Variants in WAS observed in about 807,000 individuals in gnomAD.
The protein encoded by WAS is actin nucleation-promoting factor WAS.
WAS carries 1 observed loss-of-function variant against 38.9 expected under a neutral mutation model. The observed-to-expected ratio is 0.03, with a 90% CI of 0.01 to 0.12. The LOEUF (loss-of-function observed/expected upper bound fraction) is 0.12, where lower values mean the gene tolerates loss of function less well. Ranked by LOEUF, WAS falls within the 10% of genes least tolerant of loss-of-function variation. WAS has a pLI of 1.00. For missense variants in WAS, 311 were observed against 431.2 expected (o/e 0.72, Z 2.47); for synonymous variants, 182 against 173.6 (o/e 1.05, Z -0.38).
Position 48,691,227 on chromosome X carries a change from T to TCCCCTCCAC in WAS, c.*65_*66insCCCCTCCAC. The stretch of plus-strand genomic sequence containing the variant: ...GACATGGCTCCCCCTCCACCTGCTC[T>TCCCCTCCAC]GTGCCCACCCTCCACTCTCCTCTTC... On this transcript the variant is annotated 3_prime_UTR_variant, in exon 12 of 12. Coordinates refer to ENST00000376701, the MANE Select transcript of WAS (RefSeq NM_000377.3). The TCCCCTCCAC allele has an allele frequency of 9.2e-7, 1 of 1,084,951 alleles. No homozygotes were observed. The highest frequency in any genetic ancestry group is 1.3e-6 in the Non-Finnish European group (1 of 783,018). The allele number at this position is 1,084,951 out of a possible 1,213,427, so 89.4% of individuals were successfully genotyped here. A position where few individuals can be genotyped will look rare whatever the true frequency, so the allele number is the denominator to read the frequency against.
chrX:48,690,974 C>T (rs1032904885), intron 11 of WAS, 133 bp from the exon 12 acceptor site: 21 of 560,774 alleles, frequency 3.7e-5, no homozygotes, highest in Non-Finnish European at 5.6e-5. Flanking sequence ...CCTTTCTTGT[C>T]CCAAATGGAA....
At chrX:48,689,690 T>C (rs1473867858) in intron 11 of WAS, 1 of 362,770 alleles carries the variant, frequency 2.8e-6, no homozygotes. Context: ...CATTCCCACA[T>C]GTTCAGTACT....
upstream of WAS, among the ~76,000 whole-genome samples, chrX:48,679,039 T>G (rs1459045240): frequency 1.8e-5 from 2 of 110,040 alleles, no homozygotes; most frequent in Non-Finnish European, 3.8e-5. Flanking sequence ...TTTCTTTTTT[T>G]TTTTTCAAGA....
At chrX:48,688,129 A>G (rs782686805) in intron 8 of WAS, 33 bp downstream of exon 8, 4 of 1,189,495 alleles carry the variant, frequency 3.4e-6, no homozygotes, top group Non-Finnish European at 2.3e-6. Context: ...GGACTCCACT[A>G]AACTTCCACC....
chrX:48,687,579 G>A (rs782392284), intron 7 of WAS, among the ~76,000 whole-genome samples: 1 of 110,957 alleles, frequency 9.0e-6, no homozygotes, highest in African/African-American at 3.3e-5. Context: ...GGACAGATAC[G>A]TGGATGAATG....
chrX:48,688,561 G>A, intron 9 of WAS, 99 bp from the exon 10 acceptor site: 16 of 1,193,349 alleles, frequency 1.3e-5, no homozygotes, highest in South Asian at 7.2e-5. Flanking sequence ...GCTTCAGTCA[G>A]GAGTTGGTCA....
chrX:48,676,666 G>A (rs2062391579), exon 1 of WAS: 2 of 113,275 alleles, frequency 1.8e-5, no homozygotes, highest in Admixed American at 9.2e-5. Flanking sequence ...CCCGGGGCGA[G>A]GGGAGCCGGT....
At chrX:48,686,207 G>GAA in intron 6 of WAS, 73 bp downstream of exon 6, 2 of 1,124,262 alleles carry the variant, frequency 1.8e-6, no homozygotes, top group Non-Finnish European at 2.4e-6. Context: ...AGTTGGATGG[G>GAA]TGCGTAAGTG....
In WAS at chrX:48,691,365, GT is replaced by G; in HGVS notation, c.*205del. The G allele has an allele frequency of 4.7e-6, 2 of 421,131 alleles. No individual in the cohort carries two copies. The allele number at this position is 421,131 out of a possible 1,213,427, so 34.7% of individuals were successfully genotyped here. A position where few individuals can be genotyped will look rare whatever the true frequency, so the allele number is the denominator to read the frequency against. ...GGCCCTTTTTATACAAAAATTCTCA[GT>G]TCTCTTCACTCAAGGATTTTTAAAG... On this transcript the variant is annotated 3_prime_UTR_variant, in exon 12 of 12. Transcript: ENST00000376701.
chrX:48,690,873 A>G (rs2062437618), intron 11 of WAS, among the ~76,000 whole-genome samples: 1 of 111,964 alleles, frequency 8.9e-6, no homozygotes, highest in Admixed American at 9.5e-5. Flanking sequence ...ATAGGTTAAC[A>G]TTAACCCTTT....
upstream of WAS, chrX:48,683,732 A>T (rs1393122900): frequency 9.5e-7 from 1 of 1,048,953 alleles, no homozygotes; most frequent in Non-Finnish European, 1.3e-6. Context: ...CCCCTGGAGG[A>T]CTTGTTTCCC....
Position 48,689,317 on chromosome X carries a change from C to T in WAS, c.1339-3C>T, listed in dbSNP as rs373491815. 74 of 1,194,684 alleles carry T rather than the reference C, an allele frequency of 6.2e-5. No individual in the cohort carries two copies. The highest frequency in any genetic ancestry group is 7.4e-5 in the Non-Finnish European group (66 of 886,629). ...CCTCTGTGCTGATCCCTGCCTGCTGCAGACCCCTGGGGCCCCAGAGAGCTC... is the reference window on the plus strand; with the variant it reads ...CCTCTGTGCTGATCCCTGCCTGCTGTAGACCCCTGGGGCCCCAGAGAGCTC... On this transcript the variant is annotated splice_polypyrimidine_tract_variant and splice_region_variant and intron_variant, in intron 10 of 11. Transcript: ENST00000376701.
upstream of WAS, among the ~76,000 whole-genome samples, chrX:48,682,445 C>T (rs781932766): frequency 3.6e-5 from 4 of 112,220 alleles, no homozygotes; most frequent in African/African-American, 9.7e-5. Flanking sequence ...CTGGCACACA[C>T]GTTAAGTGCT....
At chrX:48,677,853 C>T (rs2902901) in intron 1 of WAS, among the ~76,000 whole-genome samples, 1 of 112,171 alleles carries the variant, frequency 8.9e-6, no homozygotes, top group East Asian at 2.8e-4. Flanking sequence ...AGAGGGAAGC[C>T]TTGTTGGAAG....
chrX:48,679,976 C>T (rs1185623335), upstream of WAS, among the ~76,000 whole-genome samples: 6 of 111,777 alleles, frequency 5.4e-5, no homozygotes, highest in African/African-American at 2.0e-4. Context: ...TAACATCTTC[C>T]TGGTGAACCA....
intron 11 of WAS, 76 bp from the exon 12 acceptor site, chrX:48,691,031 C>G: frequency 8.3e-6 from 8 of 967,217 alleles, no homozygotes; most frequent in Non-Finnish European, 1.2e-5. Context: ...ACCCCAGGGT[C>G]CAGTCCTCAC....
upstream of WAS, among the ~76,000 whole-genome samples, chrX:48,679,374 C>G (rs1228444631): frequency 3.6e-5 from 4 of 112,024 alleles, no homozygotes; most frequent in Non-Finnish European, 7.5e-5. Context: ...GAAAAATATA[C>G]ATTTTACACT....
rs1438028027 is a variant in WAS, at chrX:48,686,806, G to T, written c.585G>T (p.Leu195=). ...QGGPPVGPLS[L]GLATVDIQNP... Reference sequence around the variant, plus strand: ...GCCCTCCAGTGGGTCCGCTCTCCCTGGGGCTGGCGACAGTGGACATCCAGA... The same window carrying T: ...GCCCTCCAGTGGGTCCGCTCTCCCTTGGGCTGGCGACAGTGGACATCCAGA... Residue 195 remains leucine (L), a synonymous_variant, in exon 7 of 12, where the codon CTG becomes CTT. Coordinates refer to ENST00000376701, the MANE Select transcript of WAS (RefSeq NM_000377.3). 4 of 1,210,012 alleles carry T rather than the reference G, an allele frequency of 3.3e-6. No individual in the cohort carries two copies. In the Admixed American group the frequency reaches 8.7e-5, roughly 26 times the overall value.
upstream of WAS, among the ~76,000 whole-genome samples, chrX:48,682,881 G>A (rs1350254804): frequency 6.7e-5 from 7 of 104,744 alleles, no homozygotes; most frequent in Admixed American, 7.2e-4. Flanking sequence ...GCGACAGAGT[G>A]AGACTCCATC....
Sources: allele counts gnomAD v4.1 joint callset (sites outside exome capture counted in the v4.1 genomes callset), GRCh38; gene constraint gnomAD v4.1.1; transcripts MANE v1.5; gene names NCBI Gene and HGNC (gene_info 2026-07-23, HGNC 2026-07-21).